The following ADH1C variants were observed in gnomAD, a reference collection of about 807,000 sequenced individuals.
ADH1C encodes the protein alcohol dehydrogenase 1C.
ADH1C carries 26 observed loss-of-function variants against 35.0 expected under a neutral mutation model. The ratio of observed to expected loss-of-function variants is 0.74; its 90% confidence interval spans 0.54 to 1.03. The LOEUF (loss-of-function observed/expected upper bound fraction) is 1.03. Among genes scored for constraint, ADH1C ranks in the 50% least tolerant of loss-of-function variants. ADH1C has a pLI of 0.00. For missense variants in ADH1C, 413 were observed against 465.4 expected (o/e 0.89, Z 1.04); for synonymous variants, 170 against 169.3 (o/e 1.00, Z -0.03).
At chr4:99,337,477 G>C (rs1734304049) in intron 8 of ADH1C, among the ~76,000 whole-genome samples, 1 of 152,082 alleles carries the variant, frequency 6.6e-6, no homozygotes, top group African/African-American at 2.4e-5. Flanking sequence ...CTTCATTCTT[G>C]TGAAGATTAG....
intron 2 of ADH1C, 148 bp downstream of exon 2, chr4:99,347,597 A>AGTTATAT: frequency 1.1e-6 from 1 of 901,282 alleles, no homozygotes; most frequent in Non-Finnish European, 1.6e-6. Flanking sequence ...AAATTTAACA[A>AGTTATAT]TTTATACTTT....
rs1734369015 is a variant in ADH1C, at chr4:99,339,673, A to T, written c.1007T>A (p.Phe336Tyr). Residue 336 changes from phenylalanine (F) to tyrosine (Y), a missense_variant, in exon 8 of 9, where the codon TTT becomes TAT. Physicochemically the swap from Phe to Tyr is conservative, Grantham distance 22 (BLOSUM62 3). Coordinates refer to ENST00000515683, the MANE Select transcript of ADH1C (RefSeq NM_000669.5). ...KESVPKLVAD[F>Y]MAKKFSLDAL... ...ATCCAGTGAAAACTTCTTAGCCATAAAGTCAGCCACAAGTTTGGGGACAGA... is the reference window on the plus strand; with the variant it reads ...ATCCAGTGAAAACTTCTTAGCCATATAGTCAGCCACAAGTTTGGGGACAGA... 5 of 1,612,056 alleles carry T rather than the reference A, an allele frequency of 3.1e-6. No individual in the cohort carries two copies. The highest frequency in any genetic ancestry group is 4.2e-6 in the Non-Finnish European group (5 of 1,179,316).
At chr4:99,346,771 T>C (rs1258029302) in intron 3 of ADH1C, among the ~76,000 whole-genome samples, 1 of 152,152 alleles carries the variant, frequency 6.6e-6, no homozygotes, top group Admixed American at 6.5e-5. Context: ...TCTAACCTAG[T>C]GCCTGGCATC....
At chr4:99,347,360 A>G (rs1273264712) in intron 2 of ADH1C, among the ~76,000 whole-genome samples, 1 of 152,222 alleles carries the variant, frequency 6.6e-6, no homozygotes, top group Non-Finnish European at 1.5e-5. Flanking sequence ...ATTTAGAATA[A>G]TCTGTGAGAT....
chr4:99,347,282 T>C, intron 2 of ADH1C, 138 bp from the exon 3 acceptor site: 1 of 1,085,642 alleles, frequency 9.2e-7, no homozygotes, highest in Non-Finnish European at 1.3e-6. Context: ...TTCCCAAATA[T>C]GAAAGATTCA....
At chr4:99,344,793 G>A (rs1254913678) in intron 5 of ADH1C, 69 bp downstream of exon 5, 2 of 1,580,544 alleles carry the variant, frequency 1.3e-6, no homozygotes, top group Non-Finnish European at 1.7e-6. Flanking sequence ...ATTCTTGCAA[G>A]AAATTGCTTC....
chr4:99,337,716 T>C (rs1579525670), intron 8 of ADH1C, among the ~76,000 whole-genome samples: 1 of 152,066 alleles, frequency 6.6e-6, no homozygotes, highest in South Asian at 2.1e-4. Flanking sequence ...GTAATCATGG[T>C]CAATGTTTTC....
intron 5 of ADH1C, among the ~76,000 whole-genome samples, 187 bp downstream of exon 5, chr4:99,344,675 G>C (rs899480366): frequency 2.1e-5 from 3 of 141,270 alleles, no homozygotes; most frequent in African/African-American, 7.5e-5. Context: ...TTCTTAACAA[G>C]TTTTTATCTG....
At chr4:99,346,479 T>C (rs1734531882) in intron 3 of ADH1C, among the ~76,000 whole-genome samples, 1 of 152,102 alleles carries the variant, frequency 6.6e-6, no homozygotes. Context: ...GATTCCATGC[T>C]CAGGAAGAGA....
intron 8 of ADH1C, 39 bp downstream of exon 8, chr4:99,339,538 A>T: frequency 1.4e-5 from 18 of 1,262,186 alleles, no homozygotes; most frequent in South Asian, 4.1e-5. Flanking sequence ...CCGCTACTGT[A>T]GAATACAAAG....
intron 3 of ADH1C, among the ~76,000 whole-genome samples, chr4:99,346,250 ATGG>A (rs1241053430): frequency 1.3e-5 from 2 of 152,124 alleles, no homozygotes; most frequent in Non-Finnish European, 2.9e-5. Context: ...TATGAAAACG[ATGG>A]TATGGAAATG....
intron 7 of ADH1C, 38 bp downstream of exon 7, chr4:99,340,537 G>C: frequency 6.2e-7 from 1 of 1,609,900 alleles, no homozygotes; most frequent in East Asian, 2.2e-5. Flanking sequence ...GAAATTCTTA[G>C]GTTAATGAGA....
Position 99,342,808 on chromosome 4 carries a change from C to T in ADH1C, c.815G>A (p.Arg272Gln), listed in dbSNP as rs1693482. ...CACGGATCATACCATGGTGTCAAGC[C>T]GACCGATGACTTCAAACGAAAAATC... is the stretch of plus-strand genomic sequence containing the variant. ...GVDFSFEVIG[R>Q]LDTMMASLLC... is the part of the protein sequence containing the mutation. Residue 272 changes from arginine (R) to glutamine (Q), a missense_variant, in exon 6 of 9, where the codon CGG becomes CAG. Coordinates refer to ENST00000515683, the MANE Select transcript of ADH1C (RefSeq NM_000669.5). 613,340 of 1,612,334 alleles carry T rather than the reference C, an allele frequency of 0.38. 124,558 individuals carry two copies. The highest frequency in any genetic ancestry group is 0.41 in the Non-Finnish European group (487,094 of 1,178,400).
Position 99,340,609 on chromosome 4 carries a change from C to A in ADH1C, c.930G>T (p.Leu310=). ...QNLSINPMLL[L]TGRTWKGAIF... is the part of the protein sequence containing the mutation. ...TAGCTCCTTTCCACGTGCGTCCAGT[C>A]AGTAGCAGCATAGGGTTTATTGAGA... The change falls in exon 7 of 9, where the codon CTG becomes CTT. Residue 310 remains leucine, a synonymous_variant. Coordinates refer to ENST00000515683, the MANE Select transcript of ADH1C (RefSeq NM_000669.5). The A allele has an allele frequency of 1.9e-6, 3 of 1,614,104 alleles. No individual in the cohort carries two copies. The highest frequency in any genetic ancestry group is 2.5e-6 in the Non-Finnish European group (3 of 1,180,016).
At chr4:99,338,973 G>A (rs1734349566) in intron 8 of ADH1C, among the ~76,000 whole-genome samples, 1 of 151,808 alleles carries the variant, frequency 6.6e-6, no homozygotes. Context: ...TCTAAGACTT[G>A]GAGAAAATGT....
At position 99,343,084 on chromosome 4, in the gene ADH1C, T is replaced by A. The variant is rs781094122; in HGVS notation, c.568-29A>T. The A allele has an allele frequency of 6.2e-6, 10 of 1,604,376 alleles. No homozygotes were observed. The African/African-American group carries it at 1.3e-4, about 22-fold the overall frequency. On this transcript the variant is annotated intron_variant, in intron 5 of 8. Coordinates refer to ENST00000515683, the MANE Select transcript of ADH1C (RefSeq NM_000669.5). The stretch of plus-strand genomic sequence containing the variant: ...TGTTTTCAGAAAATGCAAAAATGAA[T>A]TAAATAATGTTTGTTAGAAATTGCT...
intron 6 of ADH1C, 129 bp downstream of exon 6, chr4:99,342,665 AC>A: frequency 1.4e-6 from 2 of 1,436,148 alleles, no homozygotes; most frequent in African/African-American, 2.8e-5. Flanking sequence ...AAGCCAGGTA[AC>A]AAAAAGATGA....
intron 5 of ADH1C, among the ~76,000 whole-genome samples, chr4:99,343,655 C>T (rs992145029): frequency 6.6e-6 from 1 of 152,164 alleles, no homozygotes; most frequent in Admixed American, 6.5e-5. Context: ...AACAACACAG[C>T]AATGAAACAT....
rs1269269947 is a variant in ADH1C at position 99,345,217 on chromosome 4, A to C, written c.309T>G (p.Ile103Met). The part of the protein sequence containing the change: ...LFTPQCGKCR[I>M]CKNPESNYCL... ...AGTAGTTGCTTTCTGGGTTTTTACA[A>C]ATTCTGCATTTTCCACACTGAGGAG... The change falls in exon 4 of 9, where the codon ATT (isoleucine) becomes ATG (methionine). Residue 103 changes from isoleucine (I) to methionine (M), a missense_variant. Ile to Met is a conservative substitution (Grantham distance 10, BLOSUM62 1). Transcript: ENST00000515683. 3 of 1,614,088 alleles carry C rather than the reference A, an allele frequency of 1.9e-6. No individual in the cohort carries two copies. Among genetic ancestry groups the C allele is most frequent in the East Asian group, 4.5e-5 (2 of 44,886 alleles).
Sources: gnomAD v4.1 joint callset for allele counts (sites outside exome capture counted in the v4.1 genomes callset) on GRCh38, gnomAD v4.1.1 for gene constraint, MANE v1.5 for transcripts, NCBI Gene and HGNC (gene_info 2026-07-23, HGNC 2026-07-21) for gene names.